INSL6: variants seen among roughly 807,000 people sequenced by gnomAD.
The protein encoded by INSL6 is insulin-like peptide INSL6.
Under a neutral mutation model 9.4 loss-of-function variants are expected in INSL6, and 16 were observed. The ratio of observed to expected loss-of-function variants is 1.70; its 90% CI spans 1.15 to 2.59. The LOEUF (loss-of-function observed/expected upper bound fraction) is 2.59. Among genes scored for constraint, INSL6 ranks in the 30% most tolerant of loss-of-function variants. INSL6 has a pLI of 0.00. For synonymous variants in INSL6, 154 were observed against 96.9 expected, an observed-to-expected ratio of 1.59 and a Z score of -3.46; for missense variants, 391 against 257.3, an observed-to-expected ratio of 1.52 and a Z score of -3.56.
chr9:5,155,099 G>A (rs907282358), intron 2 of INSL6, among the ~76,000 whole-genome samples: 1 of 151,506 alleles, frequency 6.6e-6, no homozygotes, highest in Non-Finnish European at 1.5e-5. Context: ...TGATAGACTG[G>A]ATTAAGAAAA....
the INSL6 span, among the ~76,000 whole-genome samples, chr9:5,102,329 G>C: frequency 6.6e-6 from 1 of 152,062 alleles, no homozygotes; most frequent in Non-Finnish European, 1.5e-5. Context: ...AGCGAGAGGA[G>C]AAGTTTAGAG....
At chr9:5,127,831 A>G (rs1003974881) in intron 3 of INSL6, 1 of 232,648 alleles carries the variant, frequency 4.3e-6, no homozygotes, top group Admixed American at 5.6e-5. Context: ...GGGGTTTCAG[A>G]ATTTTGCATT....
Position 5,179,164 on chromosome 9 carries a change from T to G in INSL6, c.289+6150A>C, listed in dbSNP as rs867969755. Among the ~76,000 whole-genome samples the G allele has an allele frequency of 5.3e-5, 8 of 151,748 alleles. No individual in the cohort carries two copies. In the Middle Eastern group the frequency reaches 0.017, roughly 325 times the overall value. Reference sequence around the variant, plus strand: ...CATCTATAAGTAACTTAAACAAATTTACAAGAAAAAAACAACCCCATTAAA... The same window carrying G: ...CATCTATAAGTAACTTAAACAAATTGACAAGAAAAAAACAACCCCATTAAA... On this transcript the variant is annotated intron_variant, in intron 1 of 1. Coordinates refer to ENST00000381641, the MANE Select transcript of INSL6 (RefSeq NM_007179.3).
At chr9:5,155,074 C>T (rs893267670) in intron 2 of INSL6, among the ~76,000 whole-genome samples, 1 of 151,562 alleles carries the variant, frequency 6.6e-6, no homozygotes, top group Admixed American at 6.6e-5. Context: ...TGGAACCAAG[C>T]CAAATGTCCA....
At chr9:5,074,706 A>G in the INSL6 span, among the ~76,000 whole-genome samples, 1 of 152,224 alleles carries the variant, frequency 6.6e-6, no homozygotes, top group Non-Finnish European at 1.5e-5. Flanking sequence ...TGGTCTTTAA[A>G]TGTTCAAGTG....
the INSL6 span, among the ~76,000 whole-genome samples, chr9:4,997,245 C>T: frequency 4.6e-5 from 7 of 151,968 alleles, no homozygotes; most frequent in Non-Finnish European, 2.9e-5. Flanking sequence ...TTAGTCTGTT[C>T]TTGCATTGCT....
the INSL6 span, chr9:5,065,056 TTAAAAG>T: frequency 9.4e-6 from 14 of 1,494,702 alleles, no homozygotes; most frequent in Non-Finnish European, 1.3e-5. Flanking sequence ...TAATACAGAC[TTAAAAG>T]TAAATTTTTA....
At chr9:5,108,195 A>T in the INSL6 span, 1 of 152,130 alleles carries the variant, frequency 6.6e-6, no homozygotes, top group African/African-American at 2.4e-5. Flanking sequence ...CCCACAAAAA[A>T]GCTCTATATT....
chr9:5,042,416 C>T, the INSL6 span, among the ~76,000 whole-genome samples: 1 of 152,210 alleles, frequency 6.6e-6, no homozygotes, highest in African/African-American at 2.4e-5. Flanking sequence ...GGATTACAGG[C>T]GTGAGCCACC....
chr9:5,176,987 A>G (rs1248027421), intron 1 of INSL6, among the ~76,000 whole-genome samples: 2 of 152,224 alleles, frequency 1.3e-5, no homozygotes, highest in East Asian at 3.8e-4. Flanking sequence ...GTTTCCATAA[A>G]GAAAACTTTA....
At chr9:5,085,088 G>A in the INSL6 span, 1 of 665,778 alleles carries the variant, frequency 1.5e-6, no homozygotes, top group Admixed American at 1.8e-5. Context: ...ATTGCTTCAT[G>A]GCAGTACTGC....
chr9:5,019,092 A>G, the INSL6 span, among the ~76,000 whole-genome samples: 4 of 152,172 alleles, frequency 2.6e-5, no homozygotes, highest in African/African-American at 7.2e-5. Flanking sequence ...CTGAATGTCT[A>G]AATCTCTTGA....
the INSL6 span, among the ~76,000 whole-genome samples, chr9:5,009,162 G>A: frequency 6.6e-6 from 1 of 152,170 alleles, no homozygotes; most frequent in African/African-American, 2.4e-5. Flanking sequence ...AAAATAACTG[G>A]AATGGATGAG....
intron 1 of INSL6, among the ~76,000 whole-genome samples, chr9:5,175,785 A>C (rs1825289461): frequency 6.6e-6 from 1 of 152,156 alleles, no homozygotes; most frequent in African/African-American, 2.4e-5. Flanking sequence ...ATGCCTGATT[A>C]TCTATCACTG....
chr9:5,063,801 A>G, the INSL6 span, among the ~76,000 whole-genome samples: 7 of 152,228 alleles, frequency 4.6e-5, no homozygotes, highest in Admixed American at 3.3e-4. Context: ...TAATACGTCT[A>G]TATATTTTCC....
chr9:5,185,592 A>G lies in INSL6; in HGVS notation c.11T>C (p.Leu4Pro). The change falls in exon 1 of 2, where the codon CTC becomes CCC. Residue 4 changes from leucine to proline, a missense_variant. Physicochemically the swap from Leu to Pro is moderately conservative, Grantham distance 98. Transcript: ENST00000381641. ...AAGCCACAGCAGGGACAAGCGGAGG[A>G]GCCGCGGCATCCCTGTGACCCCAGG... The part of the protein sequence containing the change: MPR[L>P]LRLSLLWLGL... 1 of 1,612,538 alleles carries G rather than the reference A, an allele frequency of 6.2e-7. No homozygotes were observed. Among genetic ancestry groups the G allele is most frequent in the Non-Finnish European group, 8.5e-7 (1 of 1,179,756 alleles).
chr9:5,111,820 TC>T, the INSL6 span: 1 of 418,954 alleles, frequency 2.4e-6, no homozygotes, highest in Non-Finnish European at 4.7e-6. Context: ...AGGCGGCGTC[TC>T]CAGCCACACG....
At chr9:5,069,367 GTTTAC>G in the INSL6 span, among the ~76,000 whole-genome samples, 2 of 152,028 alleles carry the variant, frequency 1.3e-5, no homozygotes, top group Admixed American at 6.6e-5. Context: ...AAATAAGATT[GTTTAC>G]TTTGGTTTTG....
intron 2 of INSL6, among the ~76,000 whole-genome samples, chr9:5,150,032 T>C (rs763350236): frequency 1.6e-4 from 25 of 152,114 alleles, no homozygotes; most frequent in Admixed American, 2.0e-4. Context: ...GCTAGGAAAA[T>C]TGGATAGCCC....
Sources: gnomAD v4.1 joint callset for allele counts (sites outside exome capture counted in the v4.1 genomes callset) on GRCh38, gnomAD v4.1.1 for gene constraint, MANE v1.5 for transcripts, NCBI Gene and HGNC (gene_info 2026-07-23, HGNC 2026-07-21) for gene names.